The following GOLIM4 variants were observed in gnomAD, a reference collection of about 807,000 sequenced individuals.
GOLIM4 encodes 130 kDa golgi-localized phosphoprotein.
A neutral mutation model predicts 107.4 loss-of-function variants in GOLIM4; 71 were observed. That is an observed-to-expected ratio of 0.66 (90% CI 0.55 to 0.81). The LOEUF (loss-of-function observed/expected upper bound fraction) is 0.81. GOLIM4 is among the 30% of genes least tolerant of loss of function. The pLI is 0.00. For missense variants in GOLIM4, 830 were observed against 826.1 expected (o/e 1.00, Z -0.06); for synonymous variants, 327 against 294.8 (o/e 1.11, Z -1.12).
In GOLIM4 at chr3:168,050,842, TAATAATAATAATAA is replaced by T. The variant is rs912139903; in HGVS notation, c.188-2491_188-2478del. On this transcript the variant is annotated intron_variant, in intron 1 of 15. Transcript: ENST00000470487. ...ACACCTATAATAATAATAATAATAA[TAATAATAATAATAA>T]TAATAATAATAATAAAACCTAGCAG... Among the ~76,000 whole-genome samples the T allele has an allele frequency of 1.6e-4, 24 of 146,558 alleles. No homozygotes were observed. In the East Asian group the frequency reaches 4.5e-3, roughly 28 times the overall value.
intron 1 of GOLIM4, among the ~76,000 whole-genome samples, chr3:168,082,468 C>T (rs984003672): frequency 6.6e-6 from 1 of 152,136 alleles, no homozygotes; most frequent in Non-Finnish European, 1.5e-5. Flanking sequence ...TACTACCATT[C>T]TAGGTAACTA....
intron 1 of GOLIM4, among the ~76,000 whole-genome samples, chr3:168,056,405 G>A (rs1253659917): frequency 1.3e-5 from 2 of 152,214 alleles, no homozygotes; most frequent in South Asian, 2.1e-4. Flanking sequence ...AGAGAAATGT[G>A]GAGTTGGAGC....
rs139232312 is a variant in GOLIM4 at position 168,032,561 on chromosome 3, G to T, written c.1135C>A (p.Arg379=). The T allele has an allele frequency of 1.8e-3, 2,853 of 1,613,990 alleles. 13 individuals carry two copies. The highest frequency in any genetic ancestry group is 2.0e-3 in the Non-Finnish European group (2,375 of 1,180,000). Residue 379 remains arginine, a synonymous_variant, in exon 9 of 16, where the codon CGA becomes AGA. Transcript: ENST00000470487. The part of the protein sequence containing the change: ...DREWKEQHEQ[R]EAANLLEGHA... ...CCTTCCAGGAGGTTGGCTGCTTCTC[G>T]TTGCTCATGCTGCTCTTTCCACTCC...
intron 8 of GOLIM4, among the ~76,000 whole-genome samples, chr3:168,036,442 G>A (rs1254388772): frequency 6.6e-6 from 1 of 152,222 alleles, no homozygotes; most frequent in Non-Finnish European, 1.5e-5. Context: ...TCGGGAGGCT[G>A]AGGCAGGGAG....
intron 1 of GOLIM4, among the ~76,000 whole-genome samples, chr3:168,059,022 A>G (rs1720123998): frequency 6.6e-6 from 1 of 152,142 alleles, no homozygotes; most frequent in Non-Finnish European, 1.5e-5. Flanking sequence ...TGCTCCCAAA[A>G]TTGATGCAAA....
intron 1 of GOLIM4, among the ~76,000 whole-genome samples, chr3:168,053,115 G>C (rs764884194): frequency 6.6e-6 from 1 of 152,134 alleles, no homozygotes; most frequent in Non-Finnish European, 1.5e-5. Flanking sequence ...GTTTAAAAAC[G>C]TGCCAGCTTC....
chr3:168,075,398 G>A (rs1022099075), intron 1 of GOLIM4, among the ~76,000 whole-genome samples: 4 of 140,838 alleles, frequency 2.8e-5, no homozygotes, highest in Non-Finnish European at 4.6e-5. Flanking sequence ...CCGGGTTCAC[G>A]CCATTCTCCT....
intron 12 of GOLIM4, among the ~76,000 whole-genome samples, chr3:168,026,020 A>T (rs1374562037): frequency 1.3e-5 from 2 of 152,190 alleles, no homozygotes; most frequent in Non-Finnish European, 2.9e-5. Context: ...CTTCTAAGAG[A>T]CAGTAAAGCC....
chr3:168,074,705 C>G (rs1008367188), intron 1 of GOLIM4, among the ~76,000 whole-genome samples: 8 of 152,096 alleles, frequency 5.3e-5, no homozygotes, highest in Non-Finnish European at 1.0e-4. Flanking sequence ...CAACCTACTA[C>G]ATTAGTGAAG....
intron 1 of GOLIM4, among the ~76,000 whole-genome samples, chr3:168,068,838 T>A (rs1272487088): frequency 7.1e-6 from 1 of 140,604 alleles, no homozygotes; most frequent in East Asian, 2.0e-4. Context: ...TTTTATTTTA[T>A]TTTTTTTTTT....
At chr3:168,076,501 G>A (rs1317528955) in intron 1 of GOLIM4, among the ~76,000 whole-genome samples, 1 of 152,222 alleles carries the variant, frequency 6.6e-6, no homozygotes, top group African/African-American at 2.4e-5. Context: ...AGACCATCCT[G>A]GCCAACATGG....
In GOLIM4 at chr3:168,040,867, T is replaced by C. The variant is rs762558081; in HGVS notation, c.603A>G (p.Gln201=). 9 of 1,606,958 alleles carry C rather than the reference T, an allele frequency of 5.6e-6. No homozygotes were observed. The highest frequency in any genetic ancestry group is 7.7e-6 in the Non-Finnish European group (9 of 1,173,782). Residue 201 remains glutamine, a splice_region_variant and synonymous_variant, in exon 7 of 16, where the codon CAA becomes CAG. Coordinates refer to ENST00000470487, the MANE Select transcript of GOLIM4 (RefSeq NM_014498.5). ...GCTCGGAGAGTAAATTCTTATGCTG[T>C]TGCTACACAAAAAAGAATTTTACAT... is the stretch of plus-strand genomic sequence containing the variant. The part of the protein sequence containing the change: ...DIHTQLQDVK[Q]QHKNLLSEHE...
At chr3:168,078,875 G>A (rs1006485356) in intron 1 of GOLIM4, among the ~76,000 whole-genome samples, 2 of 152,170 alleles carry the variant, frequency 1.3e-5, no homozygotes, top group African/African-American at 2.4e-5. Flanking sequence ...GCAGTCCTCT[G>A]TGCAGCTTAT....
At chr3:168,092,059 T>G (rs1721943433) in intron 1 of GOLIM4, among the ~76,000 whole-genome samples, 1 of 152,230 alleles carries the variant, frequency 6.6e-6, no homozygotes, top group Admixed American at 6.5e-5. Flanking sequence ...AGACTGTTAT[T>G]TAATTGGTCT....
Position 168,048,340 on chromosome 3 carries a change from T to A in GOLIM4, c.213A>T (p.Leu71Phe). ...LQVVYEHRSR[L>F]EKSLQKERLE... ...GTCTTTCTTTTTGCAAGGATTTCTC[T>A]AATCTTGATCTGTGTTCATATACAA... Residue 71 changes from leucine to phenylalanine, a missense_variant, in exon 2 of 16, where the codon TTA (leucine) becomes TTT (phenylalanine). By Grantham distance (22) the Leu-to-Phe change is conservative. Coordinates refer to ENST00000470487, the MANE Select transcript of GOLIM4 (RefSeq NM_014498.5). The A allele has an allele frequency of 6.5e-7, 1 of 1,542,768 alleles. No individual in the cohort carries two copies. Among genetic ancestry groups the A allele is most frequent in the Non-Finnish European group, 8.9e-7 (1 of 1,122,380 alleles).
chr3:168,085,920 G>A (rs961273874), intron 1 of GOLIM4, among the ~76,000 whole-genome samples: 1 of 151,990 alleles, frequency 6.6e-6, no homozygotes, highest in Admixed American at 6.6e-5. Context: ...TGGTTTCACA[G>A]ATCTACAGAT....
intron 14 of GOLIM4, among the ~76,000 whole-genome samples, chr3:168,018,234 G>A (rs550528729): frequency 2.4e-4 from 36 of 152,256 alleles, no homozygotes; most frequent in Non-Finnish European, 3.8e-4. Flanking sequence ...AAAAATCTAA[G>A]AAATGAACAA....
chr3:168,055,036 T>C (rs1345521856), intron 1 of GOLIM4, among the ~76,000 whole-genome samples: 1 of 152,170 alleles, frequency 6.6e-6, no homozygotes, highest in Non-Finnish European at 1.5e-5. Flanking sequence ...GAACTGTAAG[T>C]CCAATAAACT....
intron 1 of GOLIM4, among the ~76,000 whole-genome samples, chr3:168,056,556 G>C (rs1395525735): frequency 2.0e-5 from 3 of 152,196 alleles, no homozygotes; most frequent in Admixed American, 2.0e-4. Context: ...CTGGGAGGGA[G>C]GCTGTACCCT....
Sources: allele counts gnomAD v4.1 joint callset (sites outside exome capture counted in the v4.1 genomes callset), GRCh38; gene constraint gnomAD v4.1.1; transcripts MANE v1.5; gene names NCBI Gene and HGNC (gene_info 2026-07-23, HGNC 2026-07-21).